MVD: variants seen among roughly 807,000 people sequenced by gnomAD.
The protein encoded by MVD is mevalonate diphosphate decarboxylase, also known as diphosphomevalonate decarboxylase.
In MVD, 52 loss-of-function variants were observed where a neutral mutation model predicts 42.4. The observed-to-expected ratio is 1.23, with a 90% CI of 0.98 to 1.55. The LOEUF (loss-of-function observed/expected upper bound fraction) is 1.55. Among genes scored for constraint, MVD ranks in the 40% most tolerant of loss-of-function variants. MVD has a pLI of 0.00. For missense variants in MVD, 663 were observed against 572.1 expected, an observed-to-expected ratio of 1.16 and a Z score of -1.62; for synonymous variants, 287 against 243.2, an observed-to-expected ratio of 1.18 and a Z score of -1.68.
chr16:88,662,873 C>G, intron 1 of MVD, 138 bp downstream of exon 1: 1 of 1,450,270 alleles, frequency 6.9e-7, no homozygotes, highest in South Asian at 1.4e-5. Context: ...CGCCGCGCCC[C>G]TCCCTGAGCC....
chr16:88,653,328 C>G lies in MVD; in HGVS notation c.1094G>C (p.Gly365Ala), dbSNP rs761395784. Residue 365 changes from glycine to alanine, a missense_variant, in exon 9 of 10, where the codon GGT (glycine) becomes GCT (alanine). Physicochemically the swap from Gly to Ala is moderately conservative, Grantham distance 60 (BLOSUM62 0). Coordinates refer to ENST00000301012, the MANE Select transcript of MVD (RefSeq NM_002461.3). ...QAALAMEPTP[G>A]GVKYIIVTQV... ...AGTGACAATGATGTATTTGACCCCACCGGGGGTCGGCTCCATGGCCAGCGC... is the reference window on the plus strand; with the variant it reads ...AGTGACAATGATGTATTTGACCCCAGCGGGGGTCGGCTCCATGGCCAGCGC... The G allele has an allele frequency of 1.9e-6, 3 of 1,600,986 alleles. No individual in the cohort carries two copies. In the Admixed American group the frequency reaches 5.4e-5, roughly 29 times the overall value.
Position 88,657,447 on chromosome 16 carries a change from T to A in MVD, c.392A>T (p.Tyr131Phe), listed in dbSNP as rs772182538. ...AAGLASSAAG[Y>F]ACLAYTLARV... The stretch of plus-strand genomic sequence containing the variant: ...CTGTGGGCACCCACCTAGGCAGGCA[T>A]AGCCCGCCGCTGAGGAGGCCAGGCC... The change falls in exon 4 of 10, where the codon TAT (tyrosine) becomes TTT (phenylalanine). Residue 131 changes from tyrosine to phenylalanine, a missense_variant. Transcript: ENST00000301012. 3.7e-6 allele frequency: 6 copies of A among 1,606,644 alleles called. No individual in the cohort carries two copies. The South Asian group carries it at 6.7e-5, about 18-fold the overall frequency.
chr16:88,659,802 C>G (rs897554604), intron 1 of MVD, among the ~76,000 whole-genome samples: 3 of 151,978 alleles, frequency 2.0e-5, no homozygotes, highest in African/African-American at 7.3e-5. Context: ...CCCATCTCTA[C>G]TAAAAATACA....
chr16:88,655,122 G>A (rs1295386592), intron 7 of MVD, 77 bp downstream of exon 7: 1 of 1,481,714 alleles, frequency 6.7e-7, no homozygotes, highest in Non-Finnish European at 9.1e-7. Context: ...CGAGCCCCGG[G>A]GCCGTCTCCA....
At chr16:88,658,137 C>A in intron 2 of MVD, 108 bp from the exon 3 acceptor site, 1 of 1,140,238 alleles carries the variant, frequency 8.8e-7, no homozygotes. Context: ...CGAGCAAGGT[C>A]AGCCCTGCTG....
At chr16:88,658,165 G>T in intron 2 of MVD, 136 bp from the exon 3 acceptor site, 1 of 817,834 alleles carries the variant, frequency 1.2e-6, no homozygotes, top group Non-Finnish European at 2.0e-6. Context: ...GGGGGGAAAG[G>T]CCAGTCTCAG....
chr16:88,656,411 C>A, intron 4 of MVD, 107 bp from the exon 5 acceptor site: 1 of 1,240,836 alleles, frequency 8.1e-7, no homozygotes, highest in African/African-American at 1.5e-5. Flanking sequence ...ATGGGGATTT[C>A]CAGATGACAG....
In MVD at chr16:88,658,878, C is replaced by A. The variant is rs1433735361; in HGVS notation, c.71-158G>T. The A allele has an allele frequency of 6.2e-6, 4 of 648,248 alleles. No individual in the cohort carries two copies. In the South Asian group the frequency reaches 7.0e-5, roughly 11 times the overall value. 40.2% of individuals were successfully genotyped at this position (648,248 alleles called of 1,614,324 possible). On this transcript the variant is annotated intron_variant, in intron 1 of 9. Transcript: ENST00000301012. ...TGCCCCTCCTCCTGCCAGACCCCGG[C>A]CTGCAAGAACTGCTCCCACCCCACT... is the stretch of plus-strand genomic sequence containing the variant.
chr16:88,656,670 C>A, intron 4 of MVD: 1 of 357,026 alleles, frequency 2.8e-6, no homozygotes, highest in Non-Finnish European at 5.4e-6. Flanking sequence ...GGGCAGGGAC[C>A]GATGCCAGGA....
chr16:88,658,755 T>TGGGGGG, intron 1 of MVD, 35 bp from the exon 2 acceptor site: 1 of 1,512,710 alleles, frequency 6.6e-7, no homozygotes, highest in Non-Finnish European at 9.0e-7. Context: ...CCGGTGGGCT[T>TGGGGGG]CCCGGCCCAC....
At position 88,652,391 on chromosome 16, in the gene MVD, A is replaced by G; in HGVS notation, c.*134T>C. The G allele has an allele frequency of 2.0e-6, 2 of 990,090 alleles. No homozygotes were observed. Among genetic ancestry groups the G allele is most frequent in the South Asian group, 2.8e-5 (2 of 71,982 alleles). 61.3% of individuals were successfully genotyped at this position (990,090 alleles called of 1,614,324 possible). Reference sequence around the variant, plus strand: ...CGCAGGACTCCCTGCACTGCCCCACAGCAAGCTGCCCATGGGCCCGGGGTC... The same window carrying G: ...CGCAGGACTCCCTGCACTGCCCCACGGCAAGCTGCCCATGGGCCCGGGGTC... On this transcript the variant is annotated 3_prime_UTR_variant, in exon 10 of 10. Coordinates refer to ENST00000301012, the MANE Select transcript of MVD (RefSeq NM_002461.3).
chr16:88,655,683 G>A lies in MVD; in HGVS notation c.651C>T (p.Ala217=). 1 of 1,558,560 alleles carries A rather than the reference G, an allele frequency of 6.4e-7. No homozygotes were observed. Among genetic ancestry groups the A allele is most frequent in the Non-Finnish European group, 8.7e-7 (1 of 1,151,310 alleles). The stretch of plus-strand genomic sequence containing the variant: ...GAAGCAGGGGGCTGGTCTCCACACT[G>A]GCCCGCATGCCCACGGTACTGCCTG... ...KLTGSTVGMR[A]SVETSPLLRF... Residue 217 remains alanine (A), a synonymous_variant, in exon 6 of 10, where the codon GCC becomes GCT. Coordinates refer to ENST00000301012, the MANE Select transcript of MVD (RefSeq NM_002461.3).
intron 4 of MVD, chr16:88,657,131 G>GGGT (rs1567615900): frequency 2.9e-6 from 1 of 341,208 alleles, no homozygotes; most frequent in East Asian, 4.5e-5. Context: ...TTGTAGAGAT[G>GGGT]GGGGGGGGTC....
chr16:88,662,924 G>C (rs1353693578), intron 1 of MVD, 87 bp downstream of exon 1: 8 of 1,540,676 alleles, frequency 5.2e-6, no homozygotes, highest in Non-Finnish European at 6.1e-6. Context: ...GGGCAGGACG[G>C]AGCGCGCCGC....
chr16:88,660,133 G>T (rs1253689009), intron 1 of MVD, among the ~76,000 whole-genome samples: 1 of 152,060 alleles, frequency 6.6e-6, no homozygotes, highest in Non-Finnish European at 1.5e-5. Flanking sequence ...CCCCTGACCT[G>T]CCGGCTCTTG....
At chr16:88,658,155 G>A (rs141636956) in intron 2 of MVD, 126 bp from the exon 3 acceptor site, 10 of 914,728 alleles carry the variant, frequency 1.1e-5, no homozygotes, top group East Asian at 2.5e-5. Flanking sequence ...CTGAGGGCAG[G>A]GGGGGAAAGG....
Position 88,657,973 on chromosome 16 carries a change from C to T in MVD, c.198G>A (p.Trp66Ter). ...CCACATCCTCCTCCCGGCCATTCAG[C>T]CAAATCCGGTCCTCGGTGAAGTCCT... ...ISKDFTEDRI[W>*]LNGREEDVGQ... The change falls in exon 3 of 10, where the codon TGG (tryptophan) becomes TGA (stop). Residue 66 changes from tryptophan (W) to a stop codon, truncating the protein, a stop_gained. Transcript: ENST00000301012. LOFTEE classifies it high-confidence loss of function. The T allele has an allele frequency of 6.2e-7, 1 of 1,614,006 alleles. No homozygotes were observed. Among genetic ancestry groups the T allele is most frequent in the South Asian group, 1.1e-5 (1 of 91,090 alleles).
intron 2 of MVD, among the ~76,000 whole-genome samples, chr16:88,658,318 C>T (rs1157177231): frequency 1.3e-5 from 2 of 152,180 alleles, no homozygotes; most frequent in Non-Finnish European, 1.5e-5. Flanking sequence ...GACCTGGGGG[C>T]ACATGTGTGC....
In MVD at chr16:88,656,174, CCCGTCGG is replaced by C; in HGVS notation, c.527_533del (p.Ala176GlyfsTer25). On this transcript the variant is annotated frameshift_variant, in exon 5 of 10. Coordinates refer to ENST00000301012, the MANE Select transcript of MVD (RefSeq NM_002461.3). Reference sequence around the variant, plus strand: ...CCACTTGCCGAGCGATGCTGTCCTTCCCGTCGGCCTGCTCTCCCATCTGCCACTCCAC... The same window carrying C: ...CCACTTGCCGAGCGATGCTGTCCTTCCCTGCTCTCCCATCTGCCACTCCAC... 6.2e-7 allele frequency: 1 copy of C among 1,602,080 alleles called. No homozygotes were observed. Among genetic ancestry groups the C allele is most frequent in the South Asian group, 1.1e-5 (1 of 91,086 alleles).
Sources: allele counts gnomAD v4.1 joint callset (sites outside exome capture counted in the v4.1 genomes callset), GRCh38; gene constraint gnomAD v4.1.1; transcripts MANE v1.5; gene names NCBI Gene and HGNC (gene_info 2026-07-23, HGNC 2026-07-21).